Variants in FERRY3 observed in about 807,000 individuals in gnomAD.
The protein encoded by FERRY3 is FERRY endosomal RAB5 effector complex subunit 3.
At chr12:4,525,215 T>G in the FERRY3 span, 1 of 1,589,142 alleles carries the variant, frequency 6.3e-7, no homozygotes. Context: ...TTACTAACAA[T>G]GGACTACTAT....
the FERRY3 span, among the ~76,000 whole-genome samples, chr12:4,534,853 C>T: frequency 8.5e-5 from 13 of 152,256 alleles, no homozygotes; most frequent in South Asian, 2.1e-4. Flanking sequence ...TTAACTCTTA[C>T]GTATTCCCTT....
chr12:4,524,471 A>G, the FERRY3 span, among the ~76,000 whole-genome samples: 1 of 151,970 alleles, frequency 6.6e-6, no homozygotes, highest in Non-Finnish European at 1.5e-5. Context: ...CTTATGTGCT[A>G]GTGTCAAGAG....
At chr12:4,533,464 C>A in the FERRY3 span, among the ~76,000 whole-genome samples, 1 of 152,148 alleles carries the variant, frequency 6.6e-6, no homozygotes, top group African/African-American at 2.4e-5. Context: ...CTGATCTTGC[C>A]ACAGACAAGA....
the FERRY3 span, among the ~76,000 whole-genome samples, chr12:4,506,281 A>G: frequency 6.6e-6 from 1 of 152,170 alleles, no homozygotes. Flanking sequence ...TAGCATCAGA[A>G]AATCACATGA....
chr12:4,488,247 T>C, the FERRY3 span: 3 of 152,060 alleles, frequency 2.0e-5, no homozygotes, highest in South Asian at 2.1e-4. The surrounding 1 kb of genome is among the most constrained non-coding windows in gnomAD (Gnocchi z 4.9). Context: ...AAAGGAAGAG[T>C]TGGGCAGCAG....
the FERRY3 span, among the ~76,000 whole-genome samples, chr12:4,494,239 G>C: frequency 2.6e-5 from 4 of 151,110 alleles, no homozygotes; most frequent in Non-Finnish European, 5.9e-5. Context: ...AAAAAAAAAA[G>C]ATGCTCAGAG....
chr12:4,509,558 G>T, the FERRY3 span, among the ~76,000 whole-genome samples: 1 of 148,892 alleles, frequency 6.7e-6, no homozygotes, highest in African/African-American at 2.6e-5. Context: ...TCTGAGAACG[G>T]GCAGACTGCC....
chr12:4,537,676 A>C, the FERRY3 span, among the ~76,000 whole-genome samples: 1 of 152,180 alleles, frequency 6.6e-6, no homozygotes, highest in Non-Finnish European at 1.5e-5. Context: ...ATACACAAAA[A>C]TCTTCGTCTA....
At chr12:4,503,778 T>G in the FERRY3 span, among the ~76,000 whole-genome samples, 1 of 152,112 alleles carries the variant, frequency 6.6e-6, no homozygotes, top group Non-Finnish European at 1.5e-5. Flanking sequence ...GAAACAGGAC[T>G]GAGAGACTGA....
At chr12:4,518,752 G>A in the FERRY3 span, 4 of 1,335,452 alleles carry the variant, frequency 3.0e-6, no homozygotes, top group Non-Finnish European at 3.1e-6. Context: ...AATTATAACT[G>A]CAAAAAAATT....
At chr12:4,491,031 T>C in the FERRY3 span, 1 of 695,656 alleles carries the variant, frequency 1.4e-6, no homozygotes, top group South Asian at 2.1e-5. Flanking sequence ...TAAAAAAGTC[T>C]ATTATGAAAT....
At chr12:4,529,696 A>G in the FERRY3 span, among the ~76,000 whole-genome samples, 7 of 152,210 alleles carry the variant, frequency 4.6e-5, no homozygotes, top group African/African-American at 1.7e-4. Context: ...TAAACCTATG[A>G]GGACCCTCCC....
chr12:4,518,803 T>G, the FERRY3 span: 1 of 1,588,734 alleles, frequency 6.3e-7, no homozygotes, highest in Non-Finnish European at 8.6e-7. Context: ...TTCTTCTAAC[T>G]TTCTCTGTTC....
At chr12:4,508,176 GGA>G in the FERRY3 span, among the ~76,000 whole-genome samples, 1 of 152,108 alleles carries the variant, frequency 6.6e-6, no homozygotes, top group Non-Finnish European at 1.5e-5. Context: ...GTAATTTCTG[GGA>G]GAGAGGAAGA....
the FERRY3 span, among the ~76,000 whole-genome samples, chr12:4,527,623 G>A: frequency 2.6e-5 from 4 of 151,888 alleles, no homozygotes; most frequent in Admixed American, 2.0e-4. Context: ...CCAAAATTTC[G>A]GGTCAACCTC....
the FERRY3 span, among the ~76,000 whole-genome samples, chr12:4,521,869 C>A: frequency 6.6e-6 from 1 of 152,142 alleles, no homozygotes; most frequent in African/African-American, 2.4e-5. Context: ...TCTTTGTGAT[C>A]TTCCATTAGG....
the FERRY3 span, among the ~76,000 whole-genome samples, chr12:4,504,367 G>T: frequency 6.6e-6 from 1 of 152,040 alleles, no homozygotes; most frequent in Non-Finnish European, 1.5e-5. Context: ...TGTATAAAGT[G>T]TACAAATAGT....
chr12:4,532,815 T>C, the FERRY3 span, among the ~76,000 whole-genome samples: 4 of 152,210 alleles, frequency 2.6e-5, no homozygotes, highest in Admixed American at 2.6e-4. Flanking sequence ...GTCTTGCCGA[T>C]ATCCTCAACT....
the FERRY3 span, chr12:4,518,838 TAC>T: frequency 6.3e-7 from 1 of 1,593,842 alleles, no homozygotes; most frequent in Non-Finnish European, 8.5e-7. Context: ...CAATTGCTTC[TAC>T]AGATTCTCTG....
Sources: gnomAD v4.1 joint callset for allele counts (sites outside exome capture counted in the v4.1 genomes callset) on GRCh38, gnomAD v4.1.1 for gene constraint, Gnocchi (gnomAD v3.1) non-coding constraint, MANE v1.5 for transcripts, NCBI Gene and HGNC (gene_info 2026-07-23, HGNC 2026-07-21) for gene names.